The following YME1L1 variants were observed in gnomAD, a reference collection of about 807,000 sequenced individuals.
The protein encoded by YME1L1 is YME1 like 1 ATPase, also known as ATP-dependent zinc metalloprotease YME1L1.
A neutral mutation model predicts 90.4 loss-of-function variants in YME1L1; 39 were observed. The observed-to-expected ratio is 0.43, with a 90% CI of 0.33 to 0.56. The LOEUF is 0.56. Ranked by LOEUF, YME1L1 falls within the 20% of genes least tolerant of loss-of-function variation. The probability of loss-of-function intolerance (pLI) is 0.03; values close to 1 mark genes in which losing one functional copy is unlikely to be tolerated. For synonymous variants in YME1L1, 284 were observed against 287.3 expected (o/e 0.99, Z 0.12); for missense variants, 617 against 868.4 (o/e 0.71, Z 3.64).
At chr10:27,143,767 TAAAG>T (rs1368617384) in intron 3 of YME1L1, among the ~76,000 whole-genome samples, 1 of 150,100 alleles carries the variant, frequency 6.7e-6, no homozygotes, top group Non-Finnish European at 1.5e-5. Context: ...CATAAAGAGA[TAAAG>T]AACTGCTGTT....
chr10:27,131,177 C>G (rs1315540196), intron 8 of YME1L1, among the ~76,000 whole-genome samples: 1 of 152,206 alleles, frequency 6.6e-6, no homozygotes, highest in East Asian at 1.9e-4. Context: ...AGCCTTCTCT[C>G]AAAACTCCCA....
intron 4 of YME1L1, among the ~76,000 whole-genome samples, chr10:27,141,886 T>A (rs2057091307): frequency 6.6e-6 from 1 of 152,196 alleles, no homozygotes; most frequent in Admixed American, 6.5e-5. Context: ...CTTTTTCATT[T>A]ACAGTGATCA....
chr10:27,114,830 C>T (rs1431333958), intron 17 of YME1L1, among the ~76,000 whole-genome samples: 1 of 152,020 alleles, frequency 6.6e-6, no homozygotes, highest in Non-Finnish European at 1.5e-5. Context: ...GAGTTCGAGA[C>T]CAGCCTGGAA....
At chr10:27,123,854 T>C (rs1420806436) in intron 9 of YME1L1, among the ~76,000 whole-genome samples, 155 bp from the exon 10 acceptor site, 2 of 151,454 alleles carry the variant, frequency 1.3e-5, no homozygotes, top group African/African-American at 2.4e-5. Flanking sequence ...TACTTGTCTC[T>C]GCTAATGGTT....
intron 11 of YME1L1, 63 bp downstream of exon 11, chr10:27,122,778 T>C (rs1023503600): frequency 1.8e-5 from 29 of 1,594,832 alleles, no homozygotes; most frequent in Non-Finnish European, 2.5e-5. Context: ...ATAAGATCAA[T>C]TCTACGTATA....
intron 1 of YME1L1, 128 bp from the exon 2 acceptor site, chr10:27,149,168 TAA>T (rs2057180193): frequency 1.3e-6 from 1 of 771,410 alleles, no homozygotes; most frequent in Non-Finnish European, 2.0e-6. Flanking sequence ...CTAAAAACTG[TAA>T]GTACTCAGAT....
rs1179454333 is a variant in YME1L1, at chr10:27,110,209, T to C, written c.*1768A>G. ...ACTTTATCAATATTTTATACGTGTA[T>C]GTATGTACATACAGAGAGGGAGACA... On this transcript the variant is annotated 3_prime_UTR_variant, in exon 19 of 19. Transcript: ENST00000376016. 1.3e-5 allele frequency: 2 copies of C among 152,186 alleles called. No homozygotes were observed. The highest frequency in any genetic ancestry group is 2.9e-5 in the Non-Finnish European group (2 of 68,030). 9.4% of individuals were successfully genotyped at this position (152,186 alleles called of 1,614,324 possible). A position where few individuals can be genotyped will look rare whatever the true frequency, so the allele number is the denominator to read the frequency against.
In YME1L1 at chr10:27,120,418, T is replaced by G; in HGVS notation, c.1411+17A>C. On this transcript the variant is annotated intron_variant, in intron 13 of 18. Transcript: ENST00000376016. ...TACCACTTTACAGAAATGACAAATG[T>G]TTGTTTTGATACTTACATTGATCAA... 6.3e-7 allele frequency: 1 copy of G among 1,576,942 alleles called. No individual in the cohort carries two copies. The highest frequency in any genetic ancestry group is 1.1e-5 in the South Asian group (1 of 89,952).
chr10:27,123,019 CTT>C, intron 10 of YME1L1, 46 bp from the exon 11 acceptor site: 2 of 1,583,458 alleles, frequency 1.3e-6, no homozygotes, highest in Non-Finnish European at 1.7e-6. Context: ...AAAGTCAACA[CTT>C]TTGAACAAAA....
chr10:27,151,230 G>C (rs555464546), intron 1 of YME1L1, among the ~76,000 whole-genome samples: 1 of 152,202 alleles, frequency 6.6e-6, no homozygotes, highest in Admixed American at 6.5e-5. Context: ...CGACTCTCTC[G>C]AATTCTTGTG....
Position 27,114,751 on chromosome 10 carries a change from G to C in YME1L1, c.1921-144C>G, listed in dbSNP as rs10829187. On this transcript the variant is annotated intron_variant, in intron 17 of 18. Coordinates refer to ENST00000376016, the MANE Select transcript of YME1L1 (RefSeq NM_014263.4). ...CAATAGAAAACTGCATTTGAGGCCG[G>C]GCACAGTGGCTCACACCTGTAATCC... The C allele has an allele frequency of 0.058, 32,827 of 567,410 alleles. 1,425 individuals are homozygous for C. The highest frequency in any genetic ancestry group is 0.16 in the African/African-American group (8,003 of 51,398). The allele number at this position is 567,410 out of a possible 1,614,324, so 35.1% of individuals were successfully genotyped here. A position where few individuals can be genotyped will look rare whatever the true frequency, so the allele number is the denominator to read the frequency against.
intron 2 of YME1L1, chr10:27,147,556 C>T (rs2057158432): frequency 6.2e-7 from 1 of 1,607,498 alleles, no homozygotes; most frequent in African/African-American, 1.3e-5. Context: ...TGTGTCCAAG[C>T]TCTTCTTCAT....
intron 4 of YME1L1, among the ~76,000 whole-genome samples, chr10:27,140,148 T>C (rs7896012): frequency 0.24 from 36,900 of 151,756 alleles, 5,067 homozygotes; most frequent in East Asian, 0.56. Flanking sequence ...TACAGGCATG[T>C]GCCACCACAC....
chr10:27,128,328 T>C (rs2056941256), intron 8 of YME1L1, among the ~76,000 whole-genome samples: 1 of 152,198 alleles, frequency 6.6e-6, no homozygotes, highest in Admixed American at 6.5e-5. Flanking sequence ...TTACAGCAAT[T>C]ATAAAATTGA....
chr10:27,127,614 T>C (rs750252723), intron 8 of YME1L1, among the ~76,000 whole-genome samples: 6 of 152,172 alleles, frequency 3.9e-5, no homozygotes, highest in Non-Finnish European at 7.4e-5. Flanking sequence ...AAAAGAAGCC[T>C]CATACAAAAG....
intron 5 of YME1L1, among the ~76,000 whole-genome samples, 198 bp downstream of exon 5, chr10:27,136,078 A>C (rs2057023936): frequency 6.6e-6 from 1 of 152,174 alleles, no homozygotes; most frequent in African/African-American, 2.4e-5. Context: ...TTGTGGGAAA[A>C]AAATCTAGTA....
In YME1L1 at chr10:27,110,786, T is replaced by G. The variant is rs920852428; in HGVS notation, c.*1191A>C. 6.6e-6 allele frequency: 1 copy of G among 152,214 alleles called. No individual in the cohort carries two copies. The highest frequency in any genetic ancestry group is 2.4e-5 in the African/African-American group (1 of 41,446). 9.4% of individuals were successfully genotyped at this position (152,214 alleles called of 1,614,324 possible). A position where few individuals can be genotyped will look rare whatever the true frequency, so the allele number is the denominator to read the frequency against. On this transcript the variant is annotated 3_prime_UTR_variant, in exon 19 of 19. Transcript: ENST00000376016. Reference sequence around the variant, plus strand: ...TTAACAAAATACTGCTTCTCTGAAGTACATTTCATTAGGGAGAGTGACAGT... The same window carrying G: ...TTAACAAAATACTGCTTCTCTGAAGGACATTTCATTAGGGAGAGTGACAGT...
At chr10:27,128,839 G>C (rs1469462391) in intron 8 of YME1L1, among the ~76,000 whole-genome samples, 1 of 152,124 alleles carries the variant, frequency 6.6e-6, no homozygotes, top group Non-Finnish European at 1.5e-5. Context: ...AGCCCAGGAG[G>C]AGGAGGTTGT....
intron 7 of YME1L1, among the ~76,000 whole-genome samples, chr10:27,133,035 T>G (rs1238921201): frequency 3.3e-5 from 5 of 152,196 alleles, no homozygotes; most frequent in Non-Finnish European, 7.3e-5. Context: ...AATTTTCATT[T>G]TTAACAAACA....
Sources: gnomAD v4.1 joint callset for allele counts (sites outside exome capture counted in the v4.1 genomes callset) on GRCh38, gnomAD v4.1.1 for gene constraint, MANE v1.5 for transcripts, NCBI Gene and HGNC (gene_info 2026-07-23, HGNC 2026-07-21) for gene names.